The following WWOX variants were observed in gnomAD, a reference collection of about 807,000 sequenced individuals.
WWOX encodes the protein WW domain containing oxidoreductase.
In WWOX, 69 loss-of-function variants were observed where a neutral mutation model predicts 46.2. That is an observed-to-expected ratio of 1.49 (90% CI 1.23 to 1.82). The LOEUF is 1.82. WWOX is among the 40% of genes most tolerant of loss of function. WWOX has a pLI of 0.00. For synonymous variants in WWOX, 359 were observed against 202.6 expected, an observed-to-expected ratio of 1.77 and a Z score of -6.56; for missense variants, 919 against 542.6, an observed-to-expected ratio of 1.69 and a Z score of -6.89.
At chr16:78,791,681 C>T (rs1730727716) in intron 8 of WWOX, among the ~76,000 whole-genome samples, 1 of 152,044 alleles carries the variant, frequency 6.6e-6, no homozygotes. Context: ...AGTTCGAGAC[C>T]AGCCTGGCCA....
chr16:78,873,248 T>G (rs912084999), intron 8 of WWOX: 3 of 152,196 alleles, frequency 2.0e-5, no homozygotes, highest in Non-Finnish European at 4.4e-5. Context: ...AGTTTAAAAA[T>G]TTGTTTTAGA....
At chr16:79,163,404 C>T (rs2050525870) in intron 8 of WWOX, among the ~76,000 whole-genome samples, 1 of 152,128 alleles carries the variant, frequency 6.6e-6, no homozygotes, top group South Asian at 2.1e-4. Flanking sequence ...CATTAAGGCG[C>T]CTAATTTATG....
At position 78,578,282 on chromosome 16, in the gene WWOX, A is replaced by ATTTTTTT. The variant is rs1227489730; in HGVS notation, c.1056+145531_1056+145532insTTTTTTT. Among the ~76,000 whole-genome samples the ATTTTTTT allele has an allele frequency of 1.9e-3, 64 of 34,194 alleles. 2 individuals are homozygous for ATTTTTTT. The highest frequency in any genetic ancestry group is 7.2e-3 in the African/African-American group (51 of 7,110). 22.4% of individuals were successfully genotyped at this position (34,194 alleles called of 152,430 possible). Reference sequence around the variant, plus strand: ...TATATATATATATATATATATATATATATTTTTTTTTTTTTTTTTTTTTTT... The same window carrying ATTTTTTT: ...TATATATATATATATATATATATATATTTTTTTTATTTTTTTTTTTTTTTTTTTTTTT... On this transcript the variant is annotated intron_variant, in intron 8 of 8. Coordinates refer to ENST00000566780, the MANE Select transcript of WWOX (RefSeq NM_016373.4).
At chr16:78,544,848 A>T (rs763988746) in intron 8 of WWOX, among the ~76,000 whole-genome samples, 3 of 152,142 alleles carry the variant, frequency 2.0e-5, no homozygotes, top group Non-Finnish European at 4.4e-5. Flanking sequence ...GCACTCTAGC[A>T]TGCGTGACAG....
intron 8 of WWOX, among the ~76,000 whole-genome samples, chr16:78,680,213 C>T (rs141652118): frequency 6.6e-6 from 1 of 152,140 alleles, no homozygotes; most frequent in Non-Finnish European, 1.5e-5. Context: ...AGTTCGAGAC[C>T]AGCCTGAGCA....
At chr16:78,540,838 C>T (rs1446289028) in intron 8 of WWOX, among the ~76,000 whole-genome samples, 2 of 152,164 alleles carry the variant, frequency 1.3e-5, no homozygotes, top group African/African-American at 4.8e-5. Context: ...CATGTGTCAC[C>T]ATGCCAGGCT....
chr16:78,923,398 T>C (rs938638673), intron 8 of WWOX, among the ~76,000 whole-genome samples: 14 of 152,298 alleles, frequency 9.2e-5, no homozygotes, highest in Non-Finnish European at 1.6e-4. Context: ...AGAGCAGTCA[T>C]TTTCTTCTAT....
rs777894590 is a variant in WWOX, at chr16:78,607,219, ATTAC to A, written c.1056+174470_1056+174473del. ...TTCATATTTTATTATAAAAACATTA[ATTAC>A]TTTAATAAAGCGGTTTATATTTTCA... On this transcript the variant is annotated intron_variant, in intron 8 of 8. Coordinates refer to ENST00000566780, the MANE Select transcript of WWOX (RefSeq NM_016373.4). Among the ~76,000 whole-genome samples, 13 of 152,338 alleles carry A rather than the reference ATTAC, an allele frequency of 8.5e-5. No individual in the cohort carries two copies. The South Asian group carries it at 1.4e-3, about 17-fold the overall frequency.
At chr16:78,919,301 A>T (rs74711652) in intron 8 of WWOX, among the ~76,000 whole-genome samples, 1 of 151,794 alleles carries the variant, frequency 6.6e-6, no homozygotes, top group African/African-American at 2.4e-5. Flanking sequence ...AGGCTCAGAG[A>T]AGTCAGACAA....
intron 5 of WWOX, among the ~76,000 whole-genome samples, chr16:78,178,953 G>C (rs930547246): frequency 6.6e-6 from 1 of 152,164 alleles, no homozygotes; most frequent in Non-Finnish European, 1.5e-5. Context: ...ATAACCGAGA[G>C]CTGGTCAAAT....
intron 8 of WWOX, among the ~76,000 whole-genome samples, chr16:78,729,176 G>T (rs956472775): frequency 1.3e-5 from 2 of 151,182 alleles, no homozygotes; most frequent in East Asian, 3.9e-4. Context: ...AACCTTATCC[G>T]TAAAAAAAAT....
chr16:78,658,189 A>C (rs1045735974), intron 8 of WWOX, among the ~76,000 whole-genome samples: 3 of 152,214 alleles, frequency 2.0e-5, no homozygotes, highest in African/African-American at 7.2e-5. Flanking sequence ...CCCCTGGGGA[A>C]CAAAATCACC....
At chr16:78,826,695 C>T (rs903468767) in intron 8 of WWOX, among the ~76,000 whole-genome samples, 16 of 152,192 alleles carry the variant, frequency 1.1e-4, no homozygotes, top group South Asian at 2.1e-4. Flanking sequence ...TCCCAATAAG[C>T]TTGCCTTCAC....
intron 8 of WWOX, among the ~76,000 whole-genome samples, chr16:78,879,813 G>A (rs1183823600): frequency 6.6e-6 from 1 of 151,630 alleles, no homozygotes; most frequent in Non-Finnish European, 1.5e-5. Flanking sequence ...GGAGGCAGAG[G>A]TTGCCGTGAG....
chr16:78,786,200 G>T (rs963602808), intron 8 of WWOX, among the ~76,000 whole-genome samples: 1 of 152,102 alleles, frequency 6.6e-6, no homozygotes, highest in Non-Finnish European at 1.5e-5. Context: ...GTGAGCCACC[G>T]CGCCTGGCCT....
intron 5 of WWOX, among the ~76,000 whole-genome samples, chr16:78,265,539 A>G (rs12922764): frequency 0.65 from 98,298 of 151,336 alleles, 32,916 homozygotes; most frequent in East Asian, 0.88. Context: ...TTAGCCGGGC[A>G]TGGTGGTGCA....
chr16:78,780,912 G>A (rs1442005824), intron 8 of WWOX, among the ~76,000 whole-genome samples: 2 of 152,198 alleles, frequency 1.3e-5, no homozygotes, highest in Admixed American at 1.3e-4. Context: ...GCCTTGGGGA[G>A]CATGGGTTCA....
intron 5 of WWOX, among the ~76,000 whole-genome samples, chr16:78,171,820 C>T (rs893046269): frequency 6.6e-6 from 1 of 152,134 alleles, no homozygotes; most frequent in Admixed American, 6.5e-5. Flanking sequence ...TTGCTCAAGT[C>T]AATAAGCGCA....
chr16:78,637,763 C>G (rs2046609656), intron 8 of WWOX, among the ~76,000 whole-genome samples: 1 of 152,196 alleles, frequency 6.6e-6, no homozygotes, highest in East Asian at 1.9e-4. Flanking sequence ...CTAAGAGTGT[C>G]AAAATGGAGG....
Sources: gnomAD v4.1 joint callset for allele counts (sites outside exome capture counted in the v4.1 genomes callset) on GRCh38, gnomAD v4.1.1 for gene constraint, MANE v1.5 for transcripts, NCBI Gene and HGNC (gene_info 2026-07-23, HGNC 2026-07-21) for gene names.